Variants in APPL2 observed in about 807,000 individuals in gnomAD.
APPL2 encodes DCC-interacting protein 13-beta.
A neutral mutation model predicts 92.7 loss-of-function variants in APPL2; 84 were observed. The ratio of observed to expected loss-of-function variants is 0.91; its 90% CI spans 0.76 to 1.09. APPL2 has a LOEUF of 1.09. Ranked by LOEUF, APPL2 falls within the 50% of genes least tolerant of loss-of-function variation. APPL2 has a pLI of 0.00. For missense variants in APPL2, 736 were observed against 824.5 expected, an observed-to-expected ratio of 0.89 and a Z score of 1.31; for synonymous variants, 291 against 291.0, an observed-to-expected ratio of 1.00 and a Z score of 0.00.
intron 14 of APPL2, 69 bp downstream of exon 14, chr12:105,195,192 A>G (rs1448398311): frequency 6.8e-7 from 1 of 1,470,546 alleles, no homozygotes; most frequent in African/African-American, 1.4e-5. Context: ...ATTAAGCAAC[A>G]ACTCATTTCG....
chr12:105,190,105 G>C lies in APPL2; in HGVS notation c.1292C>G (p.Pro431Arg), dbSNP rs772803222. The C allele has an allele frequency of 1.9e-6, 3 of 1,614,060 alleles. No individual in the cohort carries two copies. The South Asian group carries it at 3.3e-5, about 18-fold the overall frequency. The change falls in exon 15 of 21, where the codon CCC (proline) becomes CGC (arginine). Residue 431 changes from proline to arginine, a missense_variant. Physicochemically the swap from Pro to Arg is moderately radical, Grantham distance 103. Transcript: ENST00000258530. ...TTCAGGTAGACTGGCTGTTGCTTTG[G>C]GAACAATCTTGTCATTTTCATTTTC... ...EMENENDKIV[P>R]KATASLPEAE...
At chr12:105,193,996 T>C (rs1035874205) in intron 14 of APPL2, among the ~76,000 whole-genome samples, 1 of 152,192 alleles carries the variant, frequency 6.6e-6, no homozygotes, top group Non-Finnish European at 1.5e-5. Flanking sequence ...CCTTCTCCCA[T>C]TCCTTCTCAG....
At chr12:105,176,733 T>G (rs1452072247) in intron 19 of APPL2, 143 bp downstream of exon 19, 17 of 1,085,686 alleles carry the variant, frequency 1.6e-5, no homozygotes, top group East Asian at 4.8e-5. Flanking sequence ...CAGTGAGGCC[T>G]TCTTAGGAGG....
chr12:105,194,765 A>G (rs1365515812), intron 14 of APPL2, among the ~76,000 whole-genome samples: 1 of 143,922 alleles, frequency 6.9e-6, no homozygotes, highest in Non-Finnish European at 1.5e-5. Context: ...AACAATTCTG[A>G]AAAATGTAGA....
At chr12:105,207,893 T>C (rs1263560834) in intron 7 of APPL2, 78 bp downstream of exon 7, 1 of 1,342,508 alleles carries the variant, frequency 7.4e-7, no homozygotes, top group Non-Finnish European at 1.1e-6. Flanking sequence ...CACCCTTTCA[T>C]GCCATAAATT....
At chr12:105,225,887 C>A (rs1290376052) in intron 2 of APPL2, among the ~76,000 whole-genome samples, 1 of 152,238 alleles carries the variant, frequency 6.6e-6, no homozygotes, top group Non-Finnish European at 1.5e-5. Flanking sequence ...GCAATATCAG[C>A]ATCCAGAAAT....
intron 1 of APPL2, among the ~76,000 whole-genome samples, chr12:105,234,044 G>C (rs1350546685): frequency 6.6e-6 from 1 of 152,168 alleles, no homozygotes; most frequent in Non-Finnish European, 1.5e-5. Context: ...ATGCTCTGAT[G>C]ATCATTAAAG....
In APPL2 at chr12:105,173,533, T is replaced by C. The variant is rs994151650; in HGVS notation, c.*781A>G. The C allele has an allele frequency of 7.9e-5, 12 of 152,600 alleles. No homozygotes were observed. The highest frequency in any genetic ancestry group is 2.9e-4 in the African/African-American group (12 of 41,434). 9.5% of individuals were successfully genotyped at this position (152,600 alleles called of 1,614,324 possible). On this transcript the variant is annotated 3_prime_UTR_variant, in exon 21 of 21. Transcript: ENST00000258530. ...TGCTTCAAGTGAGTTTTAAAATTAA[T>C]TGGTCCCTTCCCTGAAGAGGGTCTG...
At chr12:105,199,763 C>T (rs970108755) in intron 9 of APPL2, among the ~76,000 whole-genome samples, 1 of 152,116 alleles carries the variant, frequency 6.6e-6, no homozygotes, top group African/African-American at 2.4e-5. Flanking sequence ...TAAAACAGAA[C>T]CTAAGGAATG....
Position 105,188,268 on chromosome 12 carries a change from C to T in APPL2, c.1634+5G>A, listed in dbSNP as rs368033064. On this transcript the variant is annotated splice_donor_5th_base_variant and intron_variant, in intron 17 of 20. Transcript: ENST00000258530. ...AAGAAAGTCTGAAAATAAAACTGAA[C>T]GTACCTCAAAGATTGACTGGTGACC... The T allele has an allele frequency of 4.4e-5, 71 of 1,613,430 alleles. No individual in the cohort carries two copies. The highest frequency in any genetic ancestry group is 5.8e-5 in the Non-Finnish European group (68 of 1,179,694).
chr12:105,176,128 T>C lies in APPL2; in HGVS notation c.1813-46A>G, dbSNP rs1885522381. 3.3e-6 allele frequency: 5 copies of C among 1,531,700 alleles called. No homozygotes were observed. In the Admixed American group the frequency reaches 7.3e-5, roughly 22 times the overall value. The allele number at this position is 1,531,700 out of a possible 1,614,324, so 94.9% of individuals were successfully genotyped here. ...AGTGATTGGCAAAAGTAGAGAAGGA[T>C]AAAATTTTAGAACAAATGTGATTTG... On this transcript the variant is annotated intron_variant, in intron 19 of 20. Coordinates refer to ENST00000258530, the MANE Select transcript of APPL2 (RefSeq NM_018171.5).
At chr12:105,184,717 C>T (rs547302786) in intron 17 of APPL2, among the ~76,000 whole-genome samples, 56 of 152,344 alleles carry the variant, frequency 3.7e-4, no homozygotes, top group African/African-American at 1.3e-3. Context: ...GTCTCCCCGT[C>T]AGGAACCACC....
At chr12:105,217,638 A>T (rs528406858) in intron 3 of APPL2, 28 bp downstream of exon 3, 1 of 1,612,008 alleles carries the variant, frequency 6.2e-7, no homozygotes, top group African/African-American at 1.3e-5. Flanking sequence ...ACACAGCAGC[A>T]TCACAGGCCA....
chr12:105,228,255 A>G (rs1415815428), intron 2 of APPL2, among the ~76,000 whole-genome samples: 2 of 152,206 alleles, frequency 1.3e-5, no homozygotes, highest in African/African-American at 4.8e-5. Flanking sequence ...CAGATTTTGA[A>G]GTATTTGCTG....
At chr12:105,202,461 G>A (rs1172710120) in intron 9 of APPL2, among the ~76,000 whole-genome samples, 2 of 152,174 alleles carry the variant, frequency 1.3e-5, no homozygotes, top group East Asian at 3.8e-4. Context: ...ATAATCAGGT[G>A]TGTGAAAAAA....
At chr12:105,192,140 A>G (rs2464185) in intron 14 of APPL2, among the ~76,000 whole-genome samples, 152,294 of 152,294 alleles carry the variant, frequency 1, 76,147 homozygotes, top group Non-Finnish European at 1. Flanking sequence ...GCTCCAACTG[A>G]AGTCATCCTT....
intron 17 of APPL2, among the ~76,000 whole-genome samples, chr12:105,186,699 C>T (rs1405373418): frequency 3.7e-5 from 5 of 134,546 alleles, no homozygotes; most frequent in Admixed American, 7.4e-5. Flanking sequence ...TATCATATAT[C>T]ATATCATATA....
chr12:105,175,507 A>C (rs1476918838), intron 20 of APPL2, among the ~76,000 whole-genome samples: 1 of 152,260 alleles, frequency 6.6e-6, no homozygotes, highest in East Asian at 1.9e-4. Flanking sequence ...CCATTATTGC[A>C]GAAAGTTCTG....
At position 105,177,017 on chromosome 12, in the gene APPL2, CTG is replaced by C. The variant is rs1491550861; in HGVS notation, c.1672-3_1672-2del. ...ATTGTGTGACACTGGTAAGTTCAAA[CTG>C]GGGGGTGGAAAAAAAGGCAACAGAT... On this transcript the variant is annotated splice_acceptor_variant and splice_polypyrimidine_tract_variant and intron_variant, in intron 18 of 20. Coordinates refer to ENST00000258530, the MANE Select transcript of APPL2 (RefSeq NM_018171.5). LOFTEE classifies it high-confidence loss of function. 1.9e-6 allele frequency: 3 copies of C among 1,613,630 alleles called. No homozygotes were observed. The African/African-American group carries it at 4.0e-5, about 22-fold the overall frequency.
Sources: allele counts gnomAD v4.1 joint callset (sites outside exome capture counted in the v4.1 genomes callset), GRCh38; gene constraint gnomAD v4.1.1; transcripts MANE v1.5; gene names NCBI Gene and HGNC (gene_info 2026-07-23, HGNC 2026-07-21).